Variants in MAX observed in about 807,000 individuals in gnomAD.
MAX encodes protein max.
In MAX, 3 loss-of-function variants were observed where a neutral mutation model predicts 22.3. The observed-to-expected ratio is 0.13, with a 90% CI of 0.06 to 0.35. The LOEUF (loss-of-function observed/expected upper bound fraction) is 0.35. Among genes scored for constraint, MAX ranks in the 10% least tolerant of loss-of-function variants. The pLI, the probability that MAX is intolerant of heterozygous loss-of-function variation, is 1.00. For synonymous variants in MAX, 72 were observed against 77.7 expected, an observed-to-expected ratio of 0.93 and a Z score of 0.39; for missense variants, 119 against 209.4, an observed-to-expected ratio of 0.57 and a Z score of 2.66.
intron 1 of MAX, chr14:65,101,835 G>T (rs2063851965): frequency 8.7e-6 from 5 of 572,058 alleles, no homozygotes; most frequent in Non-Finnish European, 1.2e-5. Flanking sequence ...TCTCCTCCCT[G>T]CAGACCCAGC....
chr14:65,066,884 G>A (rs1055781174), intron 3 of MAX, among the ~76,000 whole-genome samples: 4 of 125,280 alleles, frequency 3.2e-5, no homozygotes, highest in Non-Finnish European at 5.1e-5. Flanking sequence ...AAAAAACAAT[G>A]TATTTTTTAG....
Position 65,037,403 on chromosome 14 carries a change from C to CTTTTTTTTTTTTTTTTTTT in MAX, c.172-31138_172-31120dup, listed in dbSNP as rs1555335876. Among the ~76,000 whole-genome samples, 17 of 29,678 alleles carry CTTTTTTTTTTTTTTTTTTT rather than the reference C, an allele frequency of 5.7e-4. 4 individuals are homozygous for CTTTTTTTTTTTTTTTTTTT. Among genetic ancestry groups the CTTTTTTTTTTTTTTTTTTT allele is most frequent in the Admixed American group, 2.1e-3 (5 of 2,374 alleles). 19.5% of individuals were successfully genotyped at this position (29,678 alleles called of 152,430 possible). On this transcript the variant is annotated intron_variant, in intron 3 of 3. Coordinates refer to the MAX transcript ENST00000341653. The stretch of plus-strand genomic sequence containing the variant: ...TAGGCGTGAGCCACCACGCCGGGCC[C>CTTTTTTTTTTTTTTTTTTT]TTTTTTTTTTTTTTTTTTTTTTTTT...
At chr14:65,073,335 G>A (rs932432699), downstream of MAX, among the ~76,000 whole-genome samples, 1 of 152,262 alleles carries the variant, frequency 6.6e-6, no homozygotes, top group African/African-American at 2.4e-5. Flanking sequence ...GGCTCCTATT[G>A]TCTACTCAGT....
chr14:65,018,494 C>A (rs1033914170), intron 3 of MAX, among the ~76,000 whole-genome samples: 1 of 152,004 alleles, frequency 6.6e-6, no homozygotes, highest in Non-Finnish European at 1.5e-5. Context: ...TATTTCTGGA[C>A]GATGGGGTTA....
In MAX at chr14:65,032,598, C is replaced by G; in HGVS notation, c.172-26314G>C. On this transcript the variant is annotated intron_variant, in intron 3 of 3. Coordinates refer to the MAX transcript ENST00000341653. This position sits in a 1 kb window ranked among gnomAD's most constrained non-coding sequence, Gnocchi z 5.0. ...GTAGAGCTTAATGTGTTTCCCGTTT[C>G]TGTCTTTCCAGAAGCGCATACTGTG... is the stretch of plus-strand genomic sequence containing the variant. 2 of 1,612,946 alleles carry G rather than the reference C, an allele frequency of 1.2e-6. No homozygotes were observed. The highest frequency in any genetic ancestry group is 1.7e-6 in the Non-Finnish European group (2 of 1,179,828).
chr14:65,044,340 T>G lies in MAX; in HGVS notation c.172-38056A>C. 6.2e-7 allele frequency: 1 copy of G among 1,613,642 alleles called. No individual in the cohort carries two copies. The highest frequency in any genetic ancestry group is 1.1e-5 in the South Asian group (1 of 90,872). ...GGGTGACAAGCCGGCAGATGCGATT[T>G]GAAGGAGGATTTCAGGGCCGCTGCA... On this transcript the variant is annotated intron_variant, in intron 3 of 3. Transcript: ENST00000341653. The surrounding 1 kb of genome is among the most constrained non-coding windows in gnomAD (Gnocchi z 5.5).
At chr14:65,043,267 G>A (rs548665315) in intron 3 of MAX, among the ~76,000 whole-genome samples, 1 of 152,242 alleles carries the variant, frequency 6.6e-6, no homozygotes, top group Non-Finnish European at 1.5e-5. Flanking sequence ...CTTTGTAGTA[G>A]AGTGTGTTTA....
rs1442786237 is a variant in MAX at position 65,011,064 on chromosome 14, C to T, written c.172-4780G>A. ...GTAGTATGTTTTTCCCTTGCAAAAC[C>T]TACCCATTCTTTCCTTGTAGCCATT... is the stretch of plus-strand genomic sequence containing the variant. On this transcript the variant is annotated intron_variant, in intron 3 of 3. Transcript: ENST00000341653. The surrounding 1 kb of genome is among the most constrained non-coding windows in gnomAD (Gnocchi z 4.0). 6.6e-6 allele frequency among the ~76,000 whole-genome samples: 1 copy of T among 152,190 alleles called. No homozygotes were observed.
rs1243653712 is a variant in MAX at position 65,027,955 on chromosome 14, C to G, written c.172-21671G>C. On this transcript the variant is annotated intron_variant, in intron 3 of 3. Coordinates refer to the MAX transcript ENST00000341653. The surrounding 1 kb of genome is among the most constrained non-coding windows in gnomAD (Gnocchi z 5.7). ...CATTCAGATGTGATGCAGATGTCCT[C>G]AGGTGTCATGATCACTTGACTTATT... 6.6e-6 allele frequency among the ~76,000 whole-genome samples: 1 copy of G among 152,186 alleles called. No homozygotes were observed. Among genetic ancestry groups the G allele is most frequent in the Admixed American group, 6.5e-5 (1 of 15,272 alleles).
chr14:65,072,549 A>C (rs2062999706), downstream of MAX, among the ~76,000 whole-genome samples: 1 of 152,204 alleles, frequency 6.6e-6, no homozygotes, highest in South Asian at 2.1e-4. Context: ...TTGGGAGTCA[A>C]ACCTGAGTGA....
Position 65,055,795 on chromosome 14 carries a change from G to T in MAX, c.171+37913C>A, listed in dbSNP as rs2062723132. The stretch of plus-strand genomic sequence containing the variant: ...GCCTCCCAAGGTGCCAGGATTACAT[G>T]TGTGAGCCACCACGCCTGGCCCCAT... On this transcript the variant is annotated intron_variant, in intron 3 of 3. Coordinates refer to the MAX transcript ENST00000341653. Among the ~76,000 whole-genome samples, 9 of 152,328 alleles carry T rather than the reference G, an allele frequency of 5.9e-5. No individual in the cohort carries two copies. The South Asian group carries it at 1.9e-3, about 32-fold the overall frequency.
intron 3 of MAX, among the ~76,000 whole-genome samples, chr14:65,026,359 G>A (rs1377781392): frequency 6.6e-6 from 1 of 152,168 alleles, no homozygotes; most frequent in Non-Finnish European, 1.5e-5. Flanking sequence ...CAGGCTTGGA[G>A]GCAAACCCTC....
At position 65,011,415 on chromosome 14, in the gene MAX, C is replaced by G. The variant is rs527582270; in HGVS notation, c.172-5131G>C. 7.8e-6 allele frequency among the ~76,000 whole-genome samples: 1 copy of G among 127,958 alleles called. No individual in the cohort carries two copies. Among genetic ancestry groups the G allele is most frequent in the Admixed American group, 9.6e-5 (1 of 10,392 alleles). 83.9% of individuals were successfully genotyped at this position (127,958 alleles called of 152,430 possible). A position where few individuals can be genotyped will look rare whatever the true frequency, so the allele number is the denominator to read the frequency against. On this transcript the variant is annotated intron_variant, in intron 3 of 3. Coordinates refer to the MAX transcript ENST00000341653. This position sits in a 1 kb window ranked among gnomAD's most constrained non-coding sequence, Gnocchi z 4.0. ...CTGCACTCCAGCCTGGGTGACAGAGCGAGACTCCGTCTCAGGAAAAAAAAA... is the reference window on the plus strand; with the variant it reads ...CTGCACTCCAGCCTGGGTGACAGAGGGAGACTCCGTCTCAGGAAAAAAAAA...
chr14:65,022,760 T>G (rs1020556570), intron 3 of MAX, among the ~76,000 whole-genome samples: 19 of 152,222 alleles, frequency 1.2e-4, no homozygotes, highest in African/African-American at 4.1e-4. Context: ...GATACAGTTC[T>G]GACTAATACT....
rs761375532 is a variant in MAX, at chr14:65,053,207, G to A, written c.171+40501C>T. On this transcript the variant is annotated intron_variant, in intron 3 of 3. Transcript: ENST00000341653. ...TCATTGATACTTGGCTGGATCTGCC[G>A]GGCCCTTACTGACCCTTTGCCCTTC... 107 of 1,343,940 alleles carry A rather than the reference G, an allele frequency of 8.0e-5. 1 individual carries two copies. Among genetic ancestry groups the A allele is most frequent in the South Asian group, 5.8e-4 (26 of 44,704 alleles). 83.3% of individuals were successfully genotyped at this position (1,343,940 alleles called of 1,614,324 possible).
rs756669677 is a variant in MAX at position 65,012,343 on chromosome 14, T to G, written c.172-6059A>C. The G allele has an allele frequency of 1.9e-6, 3 of 1,614,180 alleles. No individual in the cohort carries two copies. The South Asian group carries it at 3.3e-5, about 18-fold the overall frequency. ...CTTGTTTTGCAGAGGGAGAAGCACTTCCATTATCTGAAAAGAGGCCTTCGA... is the reference window on the plus strand; with the variant it reads ...CTTGTTTTGCAGAGGGAGAAGCACTGCCATTATCTGAAAAGAGGCCTTCGA... On this transcript the variant is annotated intron_variant, in intron 3 of 3. Coordinates refer to the MAX transcript ENST00000341653. This position sits in a 1 kb window ranked among gnomAD's most constrained non-coding sequence, Gnocchi z 5.0.
intron 3 of MAX, among the ~76,000 whole-genome samples, chr14:65,065,297 C>T (rs1246566521): frequency 1.3e-5 from 2 of 152,194 alleles, no homozygotes; most frequent in Non-Finnish European, 2.9e-5. Flanking sequence ...TCCCGAGGCC[C>T]ACGTGGCCTC....
At chr14:65,040,952 C>A (rs2062338633) in intron 3 of MAX, 1 of 1,607,302 alleles carries the variant, frequency 6.2e-7, no homozygotes, top group African/African-American at 1.3e-5. Flanking sequence ...CCCTCTCAGG[C>A]CCCAGGTCAT....
At chr14:65,102,259 C>A (rs1232183178) in intron 1 of MAX, 45 bp downstream of exon 1, 2 of 1,611,992 alleles carry the variant, frequency 1.2e-6, no homozygotes, top group East Asian at 4.5e-5. Context: ...GGCCGCTGTC[C>A]CCGCCTGACA....
Sources: gnomAD v4.1 joint callset for allele counts (sites outside exome capture counted in the v4.1 genomes callset) on GRCh38, gnomAD v4.1.1 for gene constraint, Gnocchi (gnomAD v3.1) non-coding constraint, MANE v1.5 for transcripts, NCBI Gene and HGNC (gene_info 2026-07-23, HGNC 2026-07-21) for gene names.